The following RCOR2 variants were observed in gnomAD, a reference collection of about 807,000 sequenced individuals.
RCOR2 encodes the protein REST corepressor 2.
A neutral mutation model predicts 58.9 loss-of-function variants in RCOR2; 19 were observed. The observed-to-expected ratio is 0.32, with a 90% CI of 0.23 to 0.47. RCOR2 has a LOEUF of 0.47. RCOR2 is among the 20% of genes least tolerant of loss of function. The probability of loss-of-function intolerance (pLI) is 1.00; values close to 1 mark genes in which losing one functional copy is unlikely to be tolerated. For synonymous variants in RCOR2, 286 were observed against 278.7 expected (o/e 1.03, Z -0.26); for missense variants, 590 against 707.9 (o/e 0.83, Z 1.89).
the RCOR2 span, among the ~76,000 whole-genome samples, chr11:63,926,168 C>T: frequency 2.6e-5 from 4 of 152,246 alleles, no homozygotes; most frequent in East Asian, 7.7e-4. Flanking sequence ...TCCTCAGCCT[C>T]CCAAAGTGCT....
chr11:63,921,748 C>G (rs550607032), upstream of RCOR2, among the ~76,000 whole-genome samples: 1 of 152,352 alleles, frequency 6.6e-6, no homozygotes, highest in African/African-American at 2.4e-5. Flanking sequence ...AGCAGGGCCC[C>G]CTCTGCCCAT....
At chr11:63,919,549 G>T (rs1363744598), upstream of RCOR2, among the ~76,000 whole-genome samples, 3 of 152,192 alleles carry the variant, frequency 2.0e-5, no homozygotes, top group Non-Finnish European at 2.9e-5. Flanking sequence ...CCTCCCCCAG[G>T]CCTGGGGCAC....
At position 63,915,369 on chromosome 11, in the gene RCOR2, GA is replaced by G. The variant is rs1941840963; in HGVS notation, c.185-112del. 8.6e-6 allele frequency: 10 copies of G among 1,166,568 alleles called. No homozygotes were observed. The South Asian group carries it at 1.1e-4, about 12-fold the overall frequency. The allele number at this position is 1,166,568 out of a possible 1,614,324, so 72.3% of individuals were successfully genotyped here. A position where few individuals can be genotyped will look rare whatever the true frequency, so the allele number is the denominator to read the frequency against. On this transcript the variant is annotated intron_variant, in intron 2 of 11. Transcript: ENST00000301459. ...GTGGAGCCAGGGAGGTTGAGGCCCAGAAGGGAAGGAGGGGCAGAGACCCAGA... is the reference window on the plus strand; with the variant it reads ...GTGGAGCCAGGGAGGTTGAGGCCCAGAGGGAAGGAGGGGCAGAGACCCAGA...
At chr11:63,925,287 C>G in the RCOR2 span, among the ~76,000 whole-genome samples, 1 of 152,198 alleles carries the variant, frequency 6.6e-6, no homozygotes, top group South Asian at 2.1e-4. Context: ...TCCCCATTCC[C>G]CTTTTTTGTT....
At chr11:63,927,295 G>A in the RCOR2 span, among the ~76,000 whole-genome samples, 5 of 149,782 alleles carry the variant, frequency 3.3e-5, no homozygotes, top group Non-Finnish European at 6.0e-5. Context: ...TTTTGAGGCA[G>A]GGTCTCATTG....
chr11:63,915,120 C>A, intron 3 of RCOR2, 58 bp downstream of exon 3: 2 of 1,517,844 alleles, frequency 1.3e-6, no homozygotes, highest in Non-Finnish European at 1.8e-6. Flanking sequence ...CTGAGAAGAG[C>A]TAGCTTGGAG....
At chr11:63,920,752 G>A (rs1941910368), upstream of RCOR2, among the ~76,000 whole-genome samples, 1 of 152,052 alleles carries the variant, frequency 6.6e-6, no homozygotes, top group Admixed American at 6.5e-5. Flanking sequence ...TCTCAGTCCT[G>A]CCCAGACAGG....
chr11:63,921,021 CT>C (rs1352140026), upstream of RCOR2, among the ~76,000 whole-genome samples: 1 of 152,246 alleles, frequency 6.6e-6, no homozygotes, highest in African/African-American at 2.4e-5. Context: ...ACAGGCACAT[CT>C]GGGAGTGGCC....
the RCOR2 span, among the ~76,000 whole-genome samples, chr11:63,926,779 GTT>G: frequency 9.2e-5 from 11 of 119,278 alleles, no homozygotes; most frequent in East Asian, 6.4e-4. Context: ...TGCCTGGCCT[GTT>G]TTTTTTTTTT....
At chr11:63,915,391 C>A in intron 2 of RCOR2, 133 bp from the exon 3 acceptor site, 1 of 1,106,590 alleles carries the variant, frequency 9.0e-7, no homozygotes, top group South Asian at 1.4e-5. Flanking sequence ...GGGCAGAGAC[C>A]CAGACAGGAA....
Position 63,912,311 on chromosome 11 carries a change from A to G in RCOR2, c.1251T>C (p.Asp417=). ...TCTCTCACCCCCTTCTCACCTCATC[A>G]TCTTCCTCTAGGGCTGGGGCTGGCA... is the stretch of plus-strand genomic sequence containing the variant. ...APLPAPALEE[D]DEVQITSVST... The change falls in exon 11 of 12, where the codon GAT becomes GAC. Residue 417 remains aspartate (D), a synonymous_variant. Transcript: ENST00000301459. The G allele has an allele frequency of 6.2e-7, 1 of 1,612,108 alleles. No homozygotes were observed. The highest frequency in any genetic ancestry group is 8.5e-7 in the Non-Finnish European group (1 of 1,178,928).
At chr11:63,926,788 T>TG in the RCOR2 span, among the ~76,000 whole-genome samples, 4 of 83,418 alleles carry the variant, frequency 4.8e-5, no homozygotes, top group African/African-American at 1.1e-4. Context: ...TGTTTTTTTT[T>TG]TTTGTTTTGT....
intron 8 of RCOR2, 37 bp downstream of exon 8, chr11:63,913,917 C>T: frequency 1.9e-6 from 3 of 1,599,116 alleles, no homozygotes; most frequent in Non-Finnish European, 2.6e-6. Flanking sequence ...TGCCGAATGC[C>T]ACCTTTGCAT....
upstream of RCOR2, among the ~76,000 whole-genome samples, chr11:63,919,429 G>A (rs1449090615): frequency 6.6e-6 from 1 of 152,114 alleles, no homozygotes. Context: ...CCCCCTCCCT[G>A]CCGCCCCGGG....
intron 1 of RCOR2, among the ~76,000 whole-genome samples, 160 bp downstream of exon 1, chr11:63,916,170 C>T (rs1941853039): frequency 6.6e-6 from 1 of 152,236 alleles, no homozygotes; most frequent in Non-Finnish European, 1.5e-5. Flanking sequence ...TTGGCTGTGC[C>T]GGCAGCCTGG....
chr11:63,914,349 G>A lies in RCOR2; in HGVS notation c.606-19C>T, dbSNP rs372793779. On this transcript the variant is annotated intron_variant, in intron 6 of 11. Coordinates refer to ENST00000301459, the MANE Select transcript of RCOR2 (RefSeq NM_173587.4). Reference sequence around the variant, plus strand: ...CTCATCACTGCTGACACAGGGGCCAGGGAGGGAATGAGGCAGCTGCCAGGA... The same window carrying A: ...CTCATCACTGCTGACACAGGGGCCAAGGAGGGAATGAGGCAGCTGCCAGGA... 6.2e-7 allele frequency: 1 copy of A among 1,613,348 alleles called. No homozygotes were observed. The highest frequency in any genetic ancestry group is 1.3e-5 in the African/African-American group (1 of 74,928).
chr11:63,912,034 G>A lies in RCOR2; in HGVS notation c.1403C>T (p.Pro468Leu). The A allele has an allele frequency of 2.0e-6, 3 of 1,476,998 alleles. No homozygotes were observed. The highest frequency in any genetic ancestry group is 2.7e-6 in the Non-Finnish European group (3 of 1,120,084). The allele number at this position is 1,476,998 out of a possible 1,614,324, so 91.5% of individuals were successfully genotyped here. A position where few individuals can be genotyped will look rare whatever the true frequency, so the allele number is the denominator to read the frequency against. Reference sequence around the variant, plus strand: ...GAGGAAGCGGCCCTGCTGCAGTGGGGGTGGCTGTCGGAGCAGAGTGGGAGC... The same window carrying A: ...GAGGAAGCGGCCCTGCTGCAGTGGGAGTGGCTGTCGGAGCAGAGTGGGAGC... ...PTAPTLLRQP[P>L]PLQQGRFLQP... Residue 468 changes from proline to leucine, a missense_variant, in exon 12 of 12, where the codon CCC (proline) becomes CTC (leucine). Physicochemically the swap from Pro to Leu is moderately conservative, Grantham distance 98 (BLOSUM62 -3). Coordinates refer to ENST00000301459, the MANE Select transcript of RCOR2 (RefSeq NM_173587.4).
At position 63,911,599 on chromosome 11, in the gene RCOR2, C is replaced by G. The variant is rs1042947932; in HGVS notation, c.*266G>C. ...GAGGCCAAGCCCCAGCAGACTAGGACACAGCCATTCCAGTACCGGCCAGGA... is the reference window on the plus strand; with the variant it reads ...GAGGCCAAGCCCCAGCAGACTAGGAGACAGCCATTCCAGTACCGGCCAGGA... On this transcript the variant is annotated 3_prime_UTR_variant, in exon 12 of 12. Transcript: ENST00000301459. 25 of 413,480 alleles carry G rather than the reference C, an allele frequency of 6.0e-5. No individual in the cohort carries two copies. The highest frequency in any genetic ancestry group is 9.3e-5 in the Non-Finnish European group (22 of 237,166). 25.6% of individuals were successfully genotyped at this position (413,480 alleles called of 1,614,324 possible). A position where few individuals can be genotyped will look rare whatever the true frequency, so the allele number is the denominator to read the frequency against.
chr11:63,919,700 G>A (rs904854341), upstream of RCOR2, among the ~76,000 whole-genome samples: 1 of 152,202 alleles, frequency 6.6e-6, no homozygotes, highest in Non-Finnish European at 1.5e-5. Context: ...AGAACCCGGG[G>A]CCCTCACCTA....
Sources: allele counts gnomAD v4.1 joint callset (sites outside exome capture counted in the v4.1 genomes callset), GRCh38; gene constraint gnomAD v4.1.1; transcripts MANE v1.5; gene names NCBI Gene and HGNC (gene_info 2026-07-23, HGNC 2026-07-21).